The following CNTN4 variants were observed in gnomAD, a reference collection of about 807,000 sequenced individuals.
CNTN4 encodes contactin 4, also known as contactin-4.
In CNTN4, 77 loss-of-function variants were observed where a neutral mutation model predicts 122.5. The ratio of observed to expected loss-of-function variants is 0.63; its 90% confidence interval spans 0.52 to 0.76. The LOEUF is 0.76. Ranked by LOEUF, CNTN4 falls within the 30% of genes least tolerant of loss-of-function variation. CNTN4 has a pLI of 0.00. For synonymous variants in CNTN4, 512 were observed against 447.0 expected (o/e 1.15, Z -1.83); for missense variants, 1,256 against 1,259.1 (o/e 1.00, Z 0.04).
chr3:2,603,073 G>T (rs879813220), intron 4 of CNTN4, among the ~76,000 whole-genome samples: 4 of 151,462 alleles, frequency 2.6e-5, no homozygotes, highest in Admixed American at 2.6e-4. Flanking sequence ...TTTTGAAATT[G>T]TTGAGTATTT....
intron 3 of CNTN4, among the ~76,000 whole-genome samples, chr3:2,450,981 A>AGTGAGGAAGGTGAAGG (rs1185258315): frequency 6.6e-6 from 1 of 152,144 alleles, no homozygotes; most frequent in African/African-American, 2.4e-5. Flanking sequence ...CTAGGGAACA[A>AGTGAGGAAGGTGAAGG]GTGAGGAAGG....
intron 3 of CNTN4, among the ~76,000 whole-genome samples, chr3:2,508,394 T>C (rs1004265819): frequency 6.6e-6 from 1 of 152,194 alleles, no homozygotes; most frequent in African/African-American, 2.4e-5. Flanking sequence ...CAATGAGCAG[T>C]TGTATGCACA....
chr3:2,370,964 T>C (rs1305929126), intron 3 of CNTN4, among the ~76,000 whole-genome samples: 1 of 152,186 alleles, frequency 6.6e-6, no homozygotes, highest in Non-Finnish European at 1.5e-5. Context: ...AAACTAAGTA[T>C]AGCAAAGTTC....
intron 3 of CNTN4, among the ~76,000 whole-genome samples, chr3:2,402,884 A>T (rs191339867): frequency 2.1e-4 from 32 of 152,284 alleles, no homozygotes; most frequent in African/African-American, 6.7e-4. Context: ...TGATTGCAAT[A>T]GTTCCTTGTG....
intron 2 of CNTN4, among the ~76,000 whole-genome samples, chr3:2,326,128 G>A (rs776223253): frequency 2.0e-5 from 3 of 152,166 alleles, no homozygotes; most frequent in Non-Finnish European, 4.4e-5. Flanking sequence ...AATAAAGCAG[G>A]TTGCTTTCCC....
At chr3:2,337,743 C>A (rs1216604868) in intron 2 of CNTN4, among the ~76,000 whole-genome samples, 3 of 151,990 alleles carry the variant, frequency 2.0e-5, no homozygotes, top group Non-Finnish European at 2.9e-5. Flanking sequence ...GTAATCTCTA[C>A]CTTCTTTCTG....
intron 4 of CNTN4, among the ~76,000 whole-genome samples, chr3:2,672,394 G>C (rs2084578717): frequency 6.6e-6 from 1 of 152,200 alleles, no homozygotes; most frequent in Non-Finnish European, 1.5e-5. Context: ...AGGCTCCATG[G>C]ATGTAGGACC....
At chr3:2,630,079 A>G (rs2082364369) in intron 4 of CNTN4, among the ~76,000 whole-genome samples, 1 of 152,308 alleles carries the variant, frequency 6.6e-6, no homozygotes, top group African/African-American at 2.4e-5. Flanking sequence ...TGTGTTATCT[A>G]TGACTGTTAT....
intron 3 of CNTN4, among the ~76,000 whole-genome samples, chr3:2,380,564 G>T (rs2045980165): frequency 6.6e-6 from 1 of 152,168 alleles, no homozygotes; most frequent in Non-Finnish European, 1.5e-5. Context: ...ACTTTTAGGG[G>T]CTAAGTAAAT....
intron 3 of CNTN4, among the ~76,000 whole-genome samples, chr3:2,536,607 A>G (rs1010955909): frequency 1.1e-4 from 16 of 146,322 alleles, no homozygotes; most frequent in Admixed American, 2.0e-4. Context: ...TTTTTTTGGT[A>G]GAGACTGGAT....
chr3:2,879,327 G>A (rs1289684953), intron 8 of CNTN4, among the ~76,000 whole-genome samples: 1 of 152,144 alleles, frequency 6.6e-6, no homozygotes, highest in Non-Finnish European at 1.5e-5. Flanking sequence ...CTCAAAGGGT[G>A]CATGGCCCTG....
At chr3:2,711,453 T>C (rs2087146980) in intron 4 of CNTN4, among the ~76,000 whole-genome samples, 1 of 152,214 alleles carries the variant, frequency 6.6e-6, no homozygotes, top group African/African-American at 2.4e-5. Flanking sequence ...ATAGGTATTT[T>C]TGGAGTCAGA....
intron 3 of CNTN4, among the ~76,000 whole-genome samples, chr3:2,548,455 TG>T (rs2078339197): frequency 6.6e-6 from 1 of 152,216 alleles, no homozygotes; most frequent in Admixed American, 6.5e-5. Context: ...TGGTTGTTTT[TG>T]TCAGGTTCTT....
intron 8 of CNTN4, among the ~76,000 whole-genome samples, chr3:2,877,996 A>G (rs1369551416): frequency 1.3e-5 from 2 of 152,222 alleles, no homozygotes; most frequent in Non-Finnish European, 2.9e-5. Flanking sequence ...TGTTCATAAT[A>G]TTGTTGAAGA....
At chr3:2,901,301 C>T (rs553900508) in intron 11 of CNTN4, among the ~76,000 whole-genome samples, 240 of 152,304 alleles carry the variant, frequency 1.6e-3, no homozygotes, top group African/African-American at 5.7e-3. Context: ...TCCTGCCGAA[C>T]CTCAAATATT....
Position 2,811,543 on chromosome 3 carries a change from C to T in CNTN4, c.359-7943C>T, listed in dbSNP as rs376574353. Reference sequence around the variant, plus strand: ...TGGCCTGATCTCAGCTCACTGCAAGCTCCACCTCCTGGGTTCACGCCATTC... The same window carrying T: ...TGGCCTGATCTCAGCTCACTGCAAGTTCCACCTCCTGGGTTCACGCCATTC... On this transcript the variant is annotated intron_variant, in intron 6 of 24. Transcript: ENST00000418658. Among the ~76,000 whole-genome samples the T allele has an allele frequency of 2.5e-4, 38 of 151,736 alleles. No individual in the cohort carries two copies. The South Asian group carries it at 7.7e-3, about 31-fold the overall frequency.
chr3:2,937,829 G>A (rs569425687), intron 13 of CNTN4, among the ~76,000 whole-genome samples: 3 of 152,250 alleles, frequency 2.0e-5, no homozygotes, highest in East Asian at 1.9e-4. Context: ...GAAAGAAAAT[G>A]CTCCACAGAG....
chr3:3,006,054 T>A (rs941771684), intron 14 of CNTN4, among the ~76,000 whole-genome samples: 1 of 151,572 alleles, frequency 6.6e-6, no homozygotes, highest in Non-Finnish European at 1.5e-5. Context: ...CTCGGCTAAT[T>A]TTTTTTTGCA....
intron 2 of CNTN4, among the ~76,000 whole-genome samples, chr3:2,167,354 A>G (rs536517135): frequency 9.7e-4 from 148 of 152,340 alleles, no homozygotes; most frequent in Middle Eastern, 3.4e-3. Context: ...ATAAAAAGGT[A>G]ACGTGTAACA....
Sources: allele counts gnomAD v4.1 joint callset (sites outside exome capture counted in the v4.1 genomes callset), GRCh38; gene constraint gnomAD v4.1.1; transcripts MANE v1.5; gene names NCBI Gene and HGNC (gene_info 2026-07-23, HGNC 2026-07-21).